The following SYT2 variants were observed in gnomAD, a reference collection of about 807,000 sequenced individuals.
The protein encoded by SYT2 is synaptotagmin-2.
SYT2 carries 15 observed loss-of-function variants against 39.9 expected under a neutral mutation model. The ratio of observed to expected loss-of-function variants is 0.38; its 90% confidence interval spans 0.25 to 0.58. SYT2 has a LOEUF of 0.58. Among genes scored for constraint, SYT2 ranks in the 20% least tolerant of loss-of-function variants. The pLI is 0.70. For synonymous variants in SYT2, 181 were observed against 204.5 expected, an observed-to-expected ratio of 0.89 and a Z score of 0.98; for missense variants, 389 against 530.3, an observed-to-expected ratio of 0.73 and a Z score of 2.62.
chr1:202,697,542 G>A (rs998460476), intron 1 of SYT2, among the ~76,000 whole-genome samples: 4 of 152,274 alleles, frequency 2.6e-5, no homozygotes, highest in Non-Finnish European at 2.9e-5. Context: ...CTCTCTGAAA[G>A]TAGGGCAATG....
chr1:202,605,745 C>G lies in SYT2; in HGVS notation c.28G>C (p.Glu10Gln). The change falls in exon 2 of 9, where the codon GAG (glutamate) becomes CAG (glutamine). Residue 10 changes from glutamate to glutamine, a missense_variant. Glu to Gln is a conservative substitution (Grantham distance 29). Coordinates refer to ENST00000367268, the MANE Select transcript of SYT2 (RefSeq NM_177402.5). MRNIFKRNQ[E>Q]PIVAPATTTA... ...GTGGTGGCAGGAGCCACAATAGGCT[C>G]CTGGTTCCTCTTGAAAATGTTCCTC... 6.2e-7 allele frequency: 1 copy of G among 1,614,110 alleles called. No individual in the cohort carries two copies. The highest frequency in any genetic ancestry group is 8.5e-7 in the Non-Finnish European group (1 of 1,179,996).
At position 202,699,495 on chromosome 1, in the gene SYT2, G is replaced by A. The variant is rs113411089; in HGVS notation, c.-18+10763C>T. Among the ~76,000 whole-genome samples, 27 of 152,316 alleles carry A rather than the reference G, an allele frequency of 1.8e-4. 1 individual carries two copies. Among genetic ancestry groups the A allele is most frequent in the African/African-American group, 5.5e-4 (23 of 41,570 alleles). On this transcript the variant is annotated intron_variant, in intron 1 of 8. Transcript: ENST00000367268. ...GGGACAGACAAACTTGAATCTGGAT[G>A]TTATTCTGCCACCCAATAGCAGTGT...
chr1:202,596,333 ACACG>A lies in SYT2; in HGVS notation c.*420_*423del. The A allele has an allele frequency of 5.3e-6, 1 of 188,932 alleles. No homozygotes were observed. The highest frequency in any genetic ancestry group is 1.1e-5 in the Non-Finnish European group (1 of 93,214). 11.7% of individuals were successfully genotyped at this position (188,932 alleles called of 1,614,324 possible). The stretch of plus-strand genomic sequence containing the variant: ...TACACACACACACACACACACACAC[ACACG>A]ATCATTGGCCACTGTGATGCCTTCC... On this transcript the variant is annotated 3_prime_UTR_variant, in exon 9 of 9. Coordinates refer to ENST00000367268, the MANE Select transcript of SYT2 (RefSeq NM_177402.5).
Position 202,601,579 on chromosome 1 carries a change from T to C in SYT2, c.801+311A>G, listed in dbSNP as rs1261662193. Among the ~76,000 whole-genome samples, 1 of 152,258 alleles carries C rather than the reference T, an allele frequency of 6.6e-6. No individual in the cohort carries two copies. The highest frequency in any genetic ancestry group is 2.4e-5 in the African/African-American group (1 of 41,468). ...GGCGTGAATCACTGGCCTTAGGTAA[T>C]AGCAGAAGCTTAGGAGTAACAATAA... is the stretch of plus-strand genomic sequence containing the variant. On this transcript the variant is annotated intron_variant, in intron 6 of 8. Transcript: ENST00000367268. This position sits in a 1 kb window ranked among gnomAD's most constrained non-coding sequence, Gnocchi z 4.0.
rs79312586 is a variant in SYT2 at position 202,599,356 on chromosome 1, G to A, written c.920-5C>T. On this transcript the variant is annotated splice_polypyrimidine_tract_variant and splice_region_variant and intron_variant, in intron 7 of 8. Transcript: ENST00000367268. The surrounding 1 kb of genome is among the most constrained non-coding windows in gnomAD (Gnocchi z 4.4). ...GGTGGATCTTCACGTACGGGTCTGC[G>A]GAGGGAGAATCCCAACCCCAGAGAG... 75,387 of 1,586,366 alleles carry A rather than the reference G, an allele frequency of 0.048. 1,960 individuals carry two copies. The highest frequency in any genetic ancestry group is 0.052 in the East Asian group (2,268 of 43,426).
In SYT2 at chr1:202,648,086, C is replaced by T. The variant is rs1035100041; in HGVS notation, c.-17-42297G>A. Among the ~76,000 whole-genome samples the T allele has an allele frequency of 2.0e-5, 3 of 152,198 alleles. No individual in the cohort carries two copies. The East Asian group carries it at 5.8e-4, about 29-fold the overall frequency. The stretch of plus-strand genomic sequence containing the variant: ...AAAATGGAACAGAAACAGTATTTAC[C>T]TCATGCAATCATTGTGAATATTGCA... On this transcript the variant is annotated intron_variant, in intron 1 of 8. Coordinates refer to ENST00000367268, the MANE Select transcript of SYT2 (RefSeq NM_177402.5).
chr1:202,665,073 T>A (rs920370428), intron 1 of SYT2, among the ~76,000 whole-genome samples: 1 of 152,234 alleles, frequency 6.6e-6, no homozygotes, highest in African/African-American at 2.4e-5. Flanking sequence ...AAGTTTTTAA[T>A]TTCAATTTAA....
At chr1:202,655,954 G>C (rs533476255) in intron 1 of SYT2, among the ~76,000 whole-genome samples, 7 of 152,306 alleles carry the variant, frequency 4.6e-5, no homozygotes, top group Non-Finnish European at 1.0e-4. Context: ...CCAGATAGGA[G>C]AGGGGGGCTT....
chr1:202,633,826 A>G (rs1691665314), intron 1 of SYT2, among the ~76,000 whole-genome samples: 1 of 152,206 alleles, frequency 6.6e-6, no homozygotes, highest in African/African-American at 2.4e-5. Flanking sequence ...AATTTAACTG[A>G]GGCTCAAAGG....
intron 1 of SYT2, among the ~76,000 whole-genome samples, chr1:202,661,704 C>T (rs1409137602): frequency 4.6e-5 from 7 of 152,290 alleles, no homozygotes; most frequent in South Asian, 4.1e-4. Flanking sequence ...ACTCTGCAGG[C>T]GCTGGCCCTC....
chr1:202,677,505 C>T (rs1653407449), intron 1 of SYT2, among the ~76,000 whole-genome samples: 1 of 152,126 alleles, frequency 6.6e-6, no homozygotes, highest in African/African-American at 2.4e-5. Flanking sequence ...AACAGAAAGC[C>T]CTGGCCCACA....
chr1:202,621,606 C>T (rs569675210), intron 1 of SYT2, among the ~76,000 whole-genome samples: 1 of 152,246 alleles, frequency 6.6e-6, no homozygotes, highest in East Asian at 1.9e-4. Flanking sequence ...TGAGCCACTG[C>T]GCCCAGCCAA....
intron 1 of SYT2, among the ~76,000 whole-genome samples, chr1:202,609,402 T>G (rs1241888515): frequency 6.6e-6 from 1 of 152,222 alleles, no homozygotes; most frequent in Non-Finnish European, 1.5e-5. Context: ...TTTGGGTATA[T>G]ACCCAGTAAT....
At chr1:202,610,438 C>T (rs1183813569) in intron 1 of SYT2, among the ~76,000 whole-genome samples, 4 of 152,208 alleles carry the variant, frequency 2.6e-5, no homozygotes, top group Non-Finnish European at 4.4e-5. Flanking sequence ...CCTCTCACCA[C>T]TCCTATTCAA....
At chr1:202,625,513 G>A (rs538567272) in intron 1 of SYT2, among the ~76,000 whole-genome samples, 9 of 151,774 alleles carry the variant, frequency 5.9e-5, no homozygotes, top group Middle Eastern at 3.4e-3. Context: ...AGGTGCCCCC[G>A]TTCAAGCTGC....
intron 1 of SYT2, chr1:202,632,138 T>C: frequency 1.1e-6 from 1 of 935,408 alleles, no homozygotes; most frequent in Non-Finnish European, 1.3e-6. Context: ...GGGCCTGGAA[T>C]CTGCAGTGTT....
chr1:202,624,616 TC>T, intron 1 of SYT2, among the ~76,000 whole-genome samples: 3 of 136,792 alleles, frequency 2.2e-5, no homozygotes, highest in Non-Finnish European at 3.1e-5. Flanking sequence ...GTGTGTGGTG[TC>T]ATAGAGTGTG....
chr1:202,663,326 C>T (rs1692421292), intron 1 of SYT2, among the ~76,000 whole-genome samples: 2 of 152,166 alleles, frequency 1.3e-5, no homozygotes, highest in South Asian at 4.1e-4. Flanking sequence ...CATTCAGTTG[C>T]CATGCCGACA....
At chr1:202,682,258 G>A (rs1653544675) in intron 1 of SYT2, among the ~76,000 whole-genome samples, 1 of 152,236 alleles carries the variant, frequency 6.6e-6, no homozygotes, top group African/African-American at 2.4e-5. Context: ...GGTTGGCAGA[G>A]CATGATGGGT....
Sources: allele counts gnomAD v4.1 joint callset (sites outside exome capture counted in the v4.1 genomes callset), GRCh38; gene constraint gnomAD v4.1.1; non-coding constraint Gnocchi (gnomAD v3.1); transcripts MANE v1.5; gene names NCBI Gene and HGNC (gene_info 2026-07-23, HGNC 2026-07-21).